The following CAMTA1 variants were observed in gnomAD, a reference collection of about 807,000 sequenced individuals.
The protein encoded by CAMTA1 is calmodulin-binding transcription activator 1.
CAMTA1 carries 27 observed loss-of-function variants against 170.9 expected under a neutral mutation model. The ratio of observed to expected loss-of-function variants is 0.16; its 90% confidence interval spans 0.12 to 0.22. CAMTA1 has a LOEUF of 0.22. Ranked by LOEUF, CAMTA1 falls within the 10% of genes least tolerant of loss-of-function variation. The probability of loss-of-function intolerance (pLI) is 1.00; values close to 1 mark genes in which losing one functional copy is unlikely to be tolerated. For synonymous variants in CAMTA1, 833 were observed against 891.5 expected (o/e 0.93, Z 1.17); for missense variants, 1,619 against 2,217.2 (o/e 0.73, Z 5.42).
At position 7,748,897 on chromosome 1, in the gene CAMTA1, G is replaced by C. The variant is rs923779150; in HGVS notation, c.4689+1116G>C. Among the ~76,000 whole-genome samples, 51 of 152,276 alleles carry C rather than the reference G, an allele frequency of 3.3e-4. No individual in the cohort carries two copies. The highest frequency in any genetic ancestry group is 1.0e-3 in the African/African-American group (42 of 41,550). ...AAAGGGAAGTCATATTTTTGGGGCAGCTAGTATGCACTAGATTTTTTAGGT... is the reference window on the plus strand; with the variant it reads ...AAAGGGAAGTCATATTTTTGGGGCACCTAGTATGCACTAGATTTTTTAGGT... On this transcript the variant is annotated intron_variant, in intron 19 of 22. Transcript: ENST00000303635. This position sits in a 1 kb window ranked among gnomAD's most constrained non-coding sequence, Gnocchi z 4.7.
intron 5 of CAMTA1, among the ~76,000 whole-genome samples, chr1:7,374,733 G>C (rs1000268639): frequency 1.3e-5 from 2 of 152,228 alleles, no homozygotes; most frequent in Admixed American, 1.3e-4. Context: ...AGTTGTGTGC[G>C]TGGAAGTGAG....
At chr1:7,083,930 A>G (rs1255747041) in intron 3 of CAMTA1, among the ~76,000 whole-genome samples, 3 of 150,968 alleles carry the variant, frequency 2.0e-5, no homozygotes, top group Non-Finnish European at 4.4e-5. Context: ...GCTCTAGCAG[A>G]TGCTGGGGCC....
chr1:7,096,155 C>T (rs1341425842), intron 4 of CAMTA1, among the ~76,000 whole-genome samples: 3 of 152,042 alleles, frequency 2.0e-5, no homozygotes, highest in Admixed American at 6.6e-5. Context: ...ATAAAACAGC[C>T]CAGTAGAAGG....
chr1:7,176,596 C>T (rs1558207266), intron 4 of CAMTA1, among the ~76,000 whole-genome samples: 1 of 152,208 alleles, frequency 6.6e-6, no homozygotes. Flanking sequence ...AGCTCGTTCG[C>T]ACTTTTTCCT....
intron 3 of CAMTA1, among the ~76,000 whole-genome samples, chr1:7,055,678 C>CT (rs1336337337): frequency 1.3e-5 from 2 of 152,180 alleles, no homozygotes; most frequent in African/African-American, 4.8e-5. Flanking sequence ...ACCTGGGTGG[C>CT]TTGGCCCTTA....
At chr1:6,982,093 C>A (rs1694534715) in intron 3 of CAMTA1, among the ~76,000 whole-genome samples, 1 of 152,162 alleles carries the variant, frequency 6.6e-6, no homozygotes, top group Non-Finnish European at 1.5e-5. Context: ...TTTAAAGAAA[C>A]ATTTGGATGG....
intron 7 of CAMTA1, among the ~76,000 whole-genome samples, chr1:7,644,452 G>C (rs535166931): frequency 6.6e-6 from 1 of 152,198 alleles, no homozygotes; most frequent in Non-Finnish European, 1.5e-5. Flanking sequence ...AATAACAGTG[G>C]CTTCAATGAA....
At chr1:7,427,253 C>T (rs564112776) in intron 5 of CAMTA1, among the ~76,000 whole-genome samples, 9 of 152,278 alleles carry the variant, frequency 5.9e-5, no homozygotes, top group Non-Finnish European at 8.8e-5. Context: ...AGAAAAGCTC[C>T]GTTCCTATTT....
At chr1:7,006,755 G>T (rs1407017646) in intron 3 of CAMTA1, among the ~76,000 whole-genome samples, 1 of 152,156 alleles carries the variant, frequency 6.6e-6, no homozygotes, top group Non-Finnish European at 1.5e-5. Context: ...GCCTCTGAGG[G>T]CTGGAGCCTC....
At chr1:7,122,385 G>A (rs1312630130) in intron 4 of CAMTA1, among the ~76,000 whole-genome samples, 2 of 152,060 alleles carry the variant, frequency 1.3e-5, no homozygotes, top group Non-Finnish European at 1.5e-5. Context: ...GACAGCTCAC[G>A]GAGTGAAATG....
intron 6 of CAMTA1, among the ~76,000 whole-genome samples, chr1:7,531,347 C>T (rs985702008): frequency 2.6e-5 from 4 of 152,192 alleles, no homozygotes; most frequent in Admixed American, 6.5e-5. Flanking sequence ...GTAAAATGGG[C>T]TGAGTCATCA....
intron 1 of CAMTA1, among the ~76,000 whole-genome samples, chr1:6,790,797 CAA>C (rs1245504768): frequency 2.0e-5 from 3 of 152,032 alleles, no homozygotes; most frequent in African/African-American, 7.2e-5. Context: ...TAAATTGCCT[CAA>C]ATTCTTTGTG....
At position 7,299,541 on chromosome 1, in the gene CAMTA1, G is replaced by A. The variant is rs1051558245; in HGVS notation, c.438+49915G>A. On this transcript the variant is annotated intron_variant, in intron 5 of 22. Coordinates refer to ENST00000303635, the MANE Select transcript of CAMTA1 (RefSeq NM_015215.4). The surrounding 1 kb of genome is among the most constrained non-coding windows in gnomAD (Gnocchi z 4.7). The stretch of plus-strand genomic sequence containing the variant: ...TCAGACTCGGAGAGCTTCCAACCTC[G>A]CAATGAGCCAGCGGCTCCCCGGAGT... Among the ~76,000 whole-genome samples, 4 of 152,200 alleles carry A rather than the reference G, an allele frequency of 2.6e-5. No individual in the cohort carries two copies. In the South Asian group the frequency reaches 6.2e-4, roughly 24 times the overall value.
intron 3 of CAMTA1, among the ~76,000 whole-genome samples, chr1:6,872,740 T>G (rs1668749369): frequency 6.6e-6 from 1 of 152,348 alleles, no homozygotes; most frequent in African/African-American, 2.4e-5. Context: ...GTCAGTTCTT[T>G]GAACTGGCAA....
At chr1:7,338,222 G>C (rs1187434479) in intron 5 of CAMTA1, among the ~76,000 whole-genome samples, 3 of 152,074 alleles carry the variant, frequency 2.0e-5, no homozygotes, top group African/African-American at 7.2e-5. Context: ...GTCCCGTTAG[G>C]TCCCAGAAAG....
chr1:6,790,519 G>A (rs185103753), intron 1 of CAMTA1, among the ~76,000 whole-genome samples: 1 of 151,984 alleles, frequency 6.6e-6, no homozygotes, highest in Non-Finnish European at 1.5e-5. Context: ...CGGCAGCATC[G>A]CACTAGGCAT....
At chr1:7,244,750 G>A (rs550042922) in intron 4 of CAMTA1, among the ~76,000 whole-genome samples, 135 of 152,198 alleles carry the variant, frequency 8.9e-4, no homozygotes, top group African/African-American at 2.8e-3. Context: ...GTGGGGTTGG[G>A]GGAGGCGGGG....
At chr1:7,139,940 A>G (rs1645797543) in intron 4 of CAMTA1, among the ~76,000 whole-genome samples, 1 of 152,192 alleles carries the variant, frequency 6.6e-6, no homozygotes, top group Admixed American at 6.5e-5. Context: ...AAAATATATC[A>G]AGAATGACAA....
intron 4 of CAMTA1, among the ~76,000 whole-genome samples, chr1:7,220,210 G>A (rs1260602568): frequency 6.6e-6 from 1 of 152,198 alleles, no homozygotes; most frequent in African/African-American, 2.4e-5. Context: ...ATTGCAGGGG[G>A]TCAAGAATGT....
Sources: gnomAD v4.1 joint callset for allele counts (sites outside exome capture counted in the v4.1 genomes callset) on GRCh38, gnomAD v4.1.1 for gene constraint, Gnocchi (gnomAD v3.1) non-coding constraint, MANE v1.5 for transcripts, NCBI Gene and HGNC (gene_info 2026-07-23, HGNC 2026-07-21) for gene names.